ESR1: variants seen among roughly 807,000 people sequenced by gnomAD.
ESR1 encodes estrogen receptor.
ESR1 carries 12 observed loss-of-function variants against 52.7 expected under a neutral mutation model. That is an observed-to-expected ratio of 0.23 (90% confidence interval 0.15 to 0.37). The LOEUF is 0.37. ESR1 is among the 10% of genes least tolerant of loss of function. ESR1 has a pLI of 1.00. For synonymous variants in ESR1, 305 were observed against 316.8 expected, an observed-to-expected ratio of 0.96 and a Z score of 0.39; for missense variants, 584 against 779.7, an observed-to-expected ratio of 0.75 and a Z score of 2.99.
At chr6:151,723,282 A>G (rs1342236165) in intron 2 of ESR1, among the ~76,000 whole-genome samples, 1 of 152,134 alleles carries the variant, frequency 6.6e-6, no homozygotes, top group Non-Finnish European at 1.5e-5. Context: ...TACAATCTAC[A>G]CTATTCTGGT....
rs948471801 is a variant in ESR1 at position 152,100,186 on chromosome 6, T to G, written c.*1220T>G. 1 of 397,536 alleles carries G rather than the reference T, an allele frequency of 2.5e-6. No individual in the cohort carries two copies. Among genetic ancestry groups the G allele is most frequent in the Admixed American group, 4.4e-5 (1 of 22,708 alleles). 24.6% of individuals were successfully genotyped at this position (397,536 alleles called of 1,614,324 possible). A position where few individuals can be genotyped will look rare whatever the true frequency, so the allele number is the denominator to read the frequency against. On this transcript the variant is annotated 3_prime_UTR_variant, in exon 8 of 8. Coordinates refer to ENST00000206249, the MANE Select transcript of ESR1 (RefSeq NM_000125.4). ...GATCCCTGGGGTAGTCCAGCTCTTC[T>G]TCATTTCCCAGCGTGGCCCTGGTTG...
At chr6:151,855,177 G>T (rs528583211) in intron 2 of ESR1, among the ~76,000 whole-genome samples, 47 of 152,340 alleles carry the variant, frequency 3.1e-4, no homozygotes, top group African/African-American at 1.1e-3. Context: ...GCCTCCCAAA[G>T]TGCTGGGATT....
intron 2 of ESR1, among the ~76,000 whole-genome samples, chr6:151,859,523 A>C (rs1021881941): frequency 1.3e-5 from 2 of 152,170 alleles, no homozygotes; most frequent in African/African-American, 2.4e-5. Context: ...ACCAGACCTT[A>C]GTGATCACAG....
intron 2 of ESR1, among the ~76,000 whole-genome samples, chr6:151,792,760 T>A (rs1194442806): frequency 1.3e-5 from 2 of 152,230 alleles, no homozygotes; most frequent in Non-Finnish European, 2.9e-5. Context: ...TTTTAAAATC[T>A]TCTTGACTGT....
At chr6:151,957,866 T>C (rs1424345008) in intron 4 of ESR1, among the ~76,000 whole-genome samples, 4 of 152,196 alleles carry the variant, frequency 2.6e-5, no homozygotes, top group African/African-American at 9.7e-5. Context: ...AGTCCAGACT[T>C]ATTTTACCAG....
In ESR1 at chr6:151,842,805, A is replaced by G. The variant is rs1486158921; in HGVS notation, c.643+18A>G. On this transcript the variant is annotated intron_variant, in intron 2 of 7. Transcript: ENST00000206249. ...TATTCAAGGTAATAGTGTGTTGAAA[A>G]CGACTTCTATTTTTGATCCTATGAG... The G allele has an allele frequency of 1.5e-5, 24 of 1,611,846 alleles. No individual in the cohort carries two copies. The highest frequency in any genetic ancestry group is 2.0e-5 in the Non-Finnish European group (24 of 1,178,110).
At chr6:151,933,459 C>T (rs1326253955) in intron 3 of ESR1, among the ~76,000 whole-genome samples, 2 of 150,072 alleles carry the variant, frequency 1.3e-5, no homozygotes. Flanking sequence ...CTTCTCCTGC[C>T]TAATTGCCCT....
intron 4 of ESR1, chr6:151,983,967 A>G (rs566578589): frequency 1.3e-5 from 2 of 152,106 alleles, no homozygotes; most frequent in South Asian, 2.1e-4. Flanking sequence ...AAACTCCCCA[A>G]TTTGCAGATT....
At chr6:151,954,583 TAA>T (rs1476490809) in intron 4 of ESR1, among the ~76,000 whole-genome samples, 1 of 152,238 alleles carries the variant, frequency 6.6e-6, no homozygotes, top group East Asian at 1.9e-4. Context: ...CTGGAGATGT[TAA>T]GTGTCTCTTC....
At chr6:151,844,284 A>G (rs1784769478) in intron 2 of ESR1, among the ~76,000 whole-genome samples, 1 of 151,886 alleles carries the variant, frequency 6.6e-6, no homozygotes, top group Non-Finnish European at 1.5e-5. Context: ...TGTTTTGACA[A>G]CTCTCTTAAT....
At chr6:151,748,473 C>T (rs990006727) in intron 2 of ESR1, among the ~76,000 whole-genome samples, 2 of 152,084 alleles carry the variant, frequency 1.3e-5, no homozygotes, top group Non-Finnish European at 2.9e-5. Flanking sequence ...TACCTTCGTT[C>T]GTTTTAACAG....
At chr6:151,915,175 C>CGG (rs1798864399) in intron 3 of ESR1, among the ~76,000 whole-genome samples, 1 of 148,660 alleles carries the variant, frequency 6.7e-6, no homozygotes, top group Admixed American at 6.8e-5. Context: ...AGCCTGGCGA[C>CGG]AGAGTGAGAT....
Position 152,099,841 on chromosome 6 carries a change from A to G in ESR1, c.*875A>G, listed in dbSNP as rs2050899320. 1 of 396,504 alleles carries G rather than the reference A, an allele frequency of 2.5e-6. No individual in the cohort carries two copies. Among genetic ancestry groups the G allele is most frequent in the Non-Finnish European group, 4.4e-6 (1 of 225,308 alleles). The allele number at this position is 396,504 out of a possible 1,614,324, so 24.6% of individuals were successfully genotyped here. On this transcript the variant is annotated 3_prime_UTR_variant, in exon 8 of 8. Transcript: ENST00000206249. ...TAAGGTCAGCTTCAGGACCTGTTCC[A>G]GTGGGCACTGTACTTGGATCTTCCC...
At chr6:151,887,457 T>G (rs1173344616) in intron 3 of ESR1, among the ~76,000 whole-genome samples, 1 of 152,120 alleles carries the variant, frequency 6.6e-6, no homozygotes, top group African/African-American at 2.4e-5. Flanking sequence ...AATCCAATGT[T>G]TGACAGTATT....
intron 2 of ESR1, among the ~76,000 whole-genome samples, chr6:151,754,966 C>A (rs935892964): frequency 6.6e-6 from 1 of 152,144 alleles, no homozygotes; most frequent in African/African-American, 2.4e-5. Flanking sequence ...AATCCCAGCA[C>A]TTTAGGAGGC....
chr6:151,945,102 C>A (rs1052735394), intron 4 of ESR1, among the ~76,000 whole-genome samples: 32 of 151,940 alleles, frequency 2.1e-4, no homozygotes, highest in African/African-American at 7.7e-4. Context: ...CCTGTGGTCC[C>A]AGTTATGGGG....
At chr6:152,119,089 C>A (rs1301426704) in intron 6 of ESR1, among the ~76,000 whole-genome samples, 1 of 152,198 alleles carries the variant, frequency 6.6e-6, no homozygotes, top group African/African-American at 2.4e-5. Flanking sequence ...CCCGGCTTTT[C>A]TGGACACGAT....
At chr6:151,975,363 T>C (rs79564899) in intron 4 of ESR1, among the ~76,000 whole-genome samples, 1 of 149,578 alleles carries the variant, frequency 6.7e-6, no homozygotes, top group African/African-American at 2.5e-5. Flanking sequence ...CCTTAGCTTG[T>C]TTTTTTTTTC....
intron 4 of ESR1, among the ~76,000 whole-genome samples, chr6:151,947,198 A>G (rs553049702): frequency 6.6e-6 from 1 of 152,138 alleles, no homozygotes; most frequent in Non-Finnish European, 1.5e-5. Context: ...ACACATCCAT[A>G]GTCCCAGGTA....
Sources: gnomAD v4.1 joint callset for allele counts (sites outside exome capture counted in the v4.1 genomes callset) on GRCh38, gnomAD v4.1.1 for gene constraint, MANE v1.5 for transcripts, NCBI Gene and HGNC (gene_info 2026-07-23, HGNC 2026-07-21) for gene names.